DIAPH1: variants seen among roughly 807,000 people sequenced by gnomAD.
The protein encoded by DIAPH1 is diaphanous related formin 1, also known as protein diaphanous homolog 1.
DIAPH1 carries 46 observed loss-of-function variants against 140.7 expected under a neutral mutation model. That is an observed-to-expected ratio of 0.33 (90% confidence interval 0.26 to 0.42). The LOEUF is 0.42. Ranked by LOEUF, DIAPH1 falls within the 10% of genes least tolerant of loss-of-function variation. The probability of loss-of-function intolerance (pLI) is 1.00; values close to 1 mark genes in which losing one functional copy is unlikely to be tolerated. For missense variants in DIAPH1, 1,310 were observed against 1,558.7 expected (o/e 0.84, Z 2.69); for synonymous variants, 565 against 551.6 (o/e 1.02, Z -0.34).
At chr5:141,609,432 A>G (rs2099901473) in intron 1 of DIAPH1, among the ~76,000 whole-genome samples, 1 of 152,224 alleles carries the variant, frequency 6.6e-6, no homozygotes, top group Non-Finnish European at 1.5e-5. Flanking sequence ...TAAGTCCATG[A>G]GTTTTGAATC....
At chr5:141,518,530 T>A (rs2099886047) in intron 27 of DIAPH1, 1 of 2,920 alleles carries the variant, frequency 3.4e-4, no homozygotes, top group Non-Finnish European at 6.2e-4. Flanking sequence ...ATAGCCCGTC[T>A]TTTTTTTTTT....
intron 18 of DIAPH1, among the ~76,000 whole-genome samples, chr5:141,536,355 C>T (rs1349283445): frequency 6.6e-6 from 1 of 151,962 alleles, no homozygotes; most frequent in Non-Finnish European, 1.5e-5. Flanking sequence ...AAGAAAAATA[C>T]TAAATACACA....
intron 23 of DIAPH1, 116 bp downstream of exon 23, chr5:141,528,337 A>G: frequency 9.5e-6 from 14 of 1,470,234 alleles, no homozygotes; most frequent in Non-Finnish European, 1.2e-5. Flanking sequence ...CCTAAATCCT[A>G]TCTCATTTCC....
intron 14 of DIAPH1, among the ~76,000 whole-genome samples, chr5:141,575,622 C>G (rs909513379): frequency 6.6e-6 from 1 of 151,112 alleles, no homozygotes; most frequent in African/African-American, 2.4e-5. Context: ...GCACTCCAGC[C>G]TGGATGACAG....
chr5:141,558,230 A>C (rs948691619), intron 18 of DIAPH1: 7 of 152,238 alleles, frequency 4.6e-5, no homozygotes, highest in Non-Finnish European at 2.9e-5. Flanking sequence ...ACAAGTCAAC[A>C]GCCCTGAGTT....
rs762375683 is a variant in DIAPH1, at chr5:141,574,118, T to C, written c.1732A>G (p.Ser578Gly). 10 of 1,613,836 alleles carry C rather than the reference T, an allele frequency of 6.2e-6. No individual in the cohort carries two copies. In the South Asian group the frequency reaches 6.6e-5, roughly 11 times the overall value. ...AAITVPPSVP[S>G]RAPVPPAPPL... ...GGGGCAGGGGGAACAGGAGCACGAC[T>C]AGGAACAGAAGGAGGTACAGTAATA... Residue 578 changes from serine (S) to glycine (G), a missense_variant, in exon 16 of 28, where the codon AGT becomes GGT. Ser to Gly is a moderately conservative substitution (Grantham distance 56). Coordinates refer to ENST00000389054, the MANE Select transcript of DIAPH1 (RefSeq NM_005219.5).
intron 10 of DIAPH1, 75 bp downstream of exon 10, chr5:141,578,440 T>A (rs1266551822): frequency 1.0e-5 from 16 of 1,539,036 alleles, no homozygotes; most frequent in Non-Finnish European, 1.4e-5. Context: ...AAAACCAGAA[T>A]TATCCCCGGG....
chr5:141,518,449 G>A (rs2099886036), intron 27 of DIAPH1, among the ~76,000 whole-genome samples: 1 of 151,780 alleles, frequency 6.6e-6, no homozygotes, highest in Non-Finnish European at 1.5e-5. Context: ...TGGGGCAGCT[G>A]CATGACTGGA....
At chr5:141,603,568 T>C (rs997090257) in intron 1 of DIAPH1, among the ~76,000 whole-genome samples, 1 of 152,196 alleles carries the variant, frequency 6.6e-6, no homozygotes, top group African/African-American at 2.4e-5. Context: ...AAGCACAAGT[T>C]AGAAATGCCG....
At chr5:141,521,861 T>C (rs1166179712) in intron 27 of DIAPH1, among the ~76,000 whole-genome samples, 1 of 152,128 alleles carries the variant, frequency 6.6e-6, no homozygotes, top group African/African-American at 2.4e-5. Flanking sequence ...CTGTTGTCAC[T>C]GCACAAAAAA....
At chr5:141,575,706 A>T (rs986529613) in intron 14 of DIAPH1, among the ~76,000 whole-genome samples, 1 of 152,142 alleles carries the variant, frequency 6.6e-6, no homozygotes, top group Non-Finnish European at 1.5e-5. Flanking sequence ...GGAGAGGGGA[A>T]TCAGTTCATT....
chr5:141,590,742 A>T (rs907150587), intron 1 of DIAPH1, among the ~76,000 whole-genome samples: 2 of 87,644 alleles, frequency 2.3e-5, no homozygotes, highest in African/African-American at 3.7e-5. Context: ...GCTTAAGTTT[A>T]AAAAAAAAAA....
chr5:141,526,270 T>C (rs2099887311), intron 25 of DIAPH1, 27 bp downstream of exon 25: 1 of 1,613,966 alleles, frequency 6.2e-7, no homozygotes, highest in Admixed American at 1.7e-5. Context: ...CCACAAAAGA[T>C]TCAGTCAGCA....
intron 18 of DIAPH1, among the ~76,000 whole-genome samples, chr5:141,534,955 TG>T (rs2099888790): frequency 6.6e-6 from 1 of 152,116 alleles, no homozygotes; most frequent in South Asian, 2.1e-4. Flanking sequence ...CCATCTTTTT[TG>T]TTTGTTTTTT....
chr5:141,593,437 T>TC, intron 1 of DIAPH1, among the ~76,000 whole-genome samples: 1 of 152,210 alleles, frequency 6.6e-6, no homozygotes, highest in South Asian at 2.1e-4. Context: ...TCAGCACTTT[T>TC]CCCCCTCTAG....
chr5:141,572,680 A>G (rs538549505), intron 16 of DIAPH1, among the ~76,000 whole-genome samples: 6 of 152,008 alleles, frequency 3.9e-5, no homozygotes, highest in African/African-American at 1.4e-4. Context: ...CACGCCTGTA[A>G]TCCTAGCTAC....
intron 27 of DIAPH1, among the ~76,000 whole-genome samples, chr5:141,521,671 G>C (rs1364573800): frequency 1.3e-5 from 2 of 152,214 alleles, no homozygotes; most frequent in African/African-American, 4.8e-5. Flanking sequence ...AGGCAGATAT[G>C]TTCCACAGTG....
rs1246828535 is a variant in DIAPH1 at position 141,534,426 on chromosome 5, C to G, written c.2490G>C (p.Lys830Asn). The G allele has an allele frequency of 1.1e-5, 17 of 1,613,088 alleles. No homozygotes were observed. Among genetic ancestry groups the G allele is most frequent in the Non-Finnish European group, 1.4e-5 (16 of 1,179,744 alleles). Residue 830 changes from lysine (K) to asparagine (N), a missense_variant, in exon 19 of 28, where the codon AAG (lysine) becomes AAC (asparagine). Around this residue, in one of 3 missense-constraint regions of DIAPH1, gnomAD observed 589 missense variants for 549.3 expected, o/e 1.07. Coordinates refer to ENST00000389054, the MANE Select transcript of DIAPH1 (RefSeq NM_005219.5). ...TCTTTTCTTCTCCACCTTCTTGATC[C>G]TTCTTGGCTAGCAGGGAAAAGATTA... ...SAQTKTSKAK[K>N]DQEGGEEKKS...
In DIAPH1 at chr5:141,577,458, TA is replaced by T; in HGVS notation, c.1280+16del. 2 of 1,544,164 alleles carry T rather than the reference TA, an allele frequency of 1.3e-6. No homozygotes were observed. Among genetic ancestry groups the T allele is most frequent in the Non-Finnish European group, 9.0e-7 (1 of 1,116,350 alleles). On this transcript the variant is annotated intron_variant, in intron 12 of 27. Transcript: ENST00000389054. The stretch of plus-strand genomic sequence containing the variant: ...TTAGGCTCAAATTCAAAACTTCTCA[TA>T]AGCACAGCATCTTACCTGGCCTCAT...
Sources: gnomAD v4.1 joint callset for allele counts (sites outside exome capture counted in the v4.1 genomes callset) on GRCh38, gnomAD v4.1.1 for gene constraint, gnomAD v4.1.1 regional missense constraint, MANE v1.5 for transcripts, NCBI Gene and HGNC (gene_info 2026-07-23, HGNC 2026-07-21) for gene names.